Variants in PRR5L observed in about 807,000 individuals in gnomAD.
PRR5L encodes proline-rich protein 5-like.
A neutral mutation model predicts 36.4 loss-of-function variants in PRR5L; 21 were observed. The ratio of observed to expected loss-of-function variants is 0.58; its 90% CI spans 0.41 to 0.83. PRR5L has a LOEUF of 0.83. PRR5L is among the 40% of genes least tolerant of loss of function. The probability of loss-of-function intolerance (pLI) is 0.00; values close to 1 mark genes in which losing one functional copy is unlikely to be tolerated. For missense variants in PRR5L, 381 were observed against 473.3 expected (o/e 0.80, Z 1.81); for synonymous variants, 188 against 197.0 (o/e 0.95, Z 0.38).
chr11:36,368,363 A>G (rs1210563593), intron 1 of PRR5L, among the ~76,000 whole-genome samples: 1 of 152,176 alleles, frequency 6.6e-6, no homozygotes, highest in Non-Finnish European at 1.5e-5. Flanking sequence ...GGCACAAAAA[A>G]ACAAGGAAAA....
At chr11:36,394,849 T>A (rs1410301358) in intron 1 of PRR5L, among the ~76,000 whole-genome samples, 1 of 152,154 alleles carries the variant, frequency 6.6e-6, no homozygotes, top group African/African-American at 2.4e-5. Context: ...AGTGTATGCA[T>A]CTTTGTGGGG....
chr11:36,375,279 C>T (rs1486833000), intron 1 of PRR5L, among the ~76,000 whole-genome samples: 5 of 151,928 alleles, frequency 3.3e-5, no homozygotes, highest in African/African-American at 1.2e-4. Flanking sequence ...GTGTCCCATG[C>T]CCAGTCTCTT....
chr11:36,459,586 T>A (rs1859136327), intron 8 of PRR5L, among the ~76,000 whole-genome samples: 1 of 152,244 alleles, frequency 6.6e-6, no homozygotes, highest in African/African-American at 2.4e-5. Context: ...GTTGAACAAG[T>A]TATTTAACCT....
At chr11:36,361,166 TC>T (rs1394160182) in intron 1 of PRR5L, among the ~76,000 whole-genome samples, 2 of 152,224 alleles carry the variant, frequency 1.3e-5, no homozygotes, top group East Asian at 3.8e-4. Flanking sequence ...ATTTGCCTTT[TC>T]TACTCTGATT....
Position 36,463,592 on chromosome 11 carries a change from G to T in PRR5L, c.*856G>T, listed in dbSNP as rs1056075706. 2 of 152,438 alleles carry T rather than the reference G, an allele frequency of 1.3e-5. No homozygotes were observed. Among genetic ancestry groups the T allele is most frequent in the Non-Finnish European group, 2.9e-5 (2 of 68,022 alleles). 9.4% of individuals were successfully genotyped at this position (152,438 alleles called of 1,614,324 possible). ...GGGGCCAGCTGATACCAACCAACTG[G>T]CCTGTATCTATCTATCTGGATTTGA... is the stretch of plus-strand genomic sequence containing the variant. On this transcript the variant is annotated 3_prime_UTR_variant, in exon 9 of 9. Coordinates refer to ENST00000530639, the MANE Select transcript of PRR5L (RefSeq NM_001160167.2).
chr11:36,343,356 C>G (rs1055195415), intron 1 of PRR5L, among the ~76,000 whole-genome samples: 4 of 152,166 alleles, frequency 2.6e-5, no homozygotes, highest in African/African-American at 9.7e-5. Context: ...ATATAAGACG[C>G]CTTGACCTTT....
chr11:36,366,587 G>A (rs1327379659), intron 1 of PRR5L, among the ~76,000 whole-genome samples: 1 of 152,084 alleles, frequency 6.6e-6, no homozygotes, highest in African/African-American at 2.4e-5. Flanking sequence ...GTGATTTTAG[G>A]TAGAAAGTCC....
chr11:36,335,128 C>G (rs1050494351), intron 1 of PRR5L, among the ~76,000 whole-genome samples: 1 of 152,008 alleles, frequency 6.6e-6, no homozygotes, highest in African/African-American at 2.4e-5. Flanking sequence ...ACTCTGTGGC[C>G]CAGGCTGGAG....
At chr11:36,310,002 T>TCATCCCCAATACCACCAC (rs1447979251) in intron 1 of PRR5L, among the ~76,000 whole-genome samples, 3 of 39,446 alleles carry the variant, frequency 7.6e-5, no homozygotes, top group Admixed American at 6.0e-4. Context: ...ACCACCACCA[T>TCATCCCCAATACCACCAC]CACTATTAGA....
intron 1 of PRR5L, among the ~76,000 whole-genome samples, chr11:36,336,205 A>T (rs1374649075): frequency 6.6e-6 from 1 of 152,146 alleles, no homozygotes; most frequent in Non-Finnish European, 1.5e-5. Flanking sequence ...CTCTTTTTCA[A>T]ACTTAAATGT....
chr11:36,372,670 A>G (rs927779865), intron 1 of PRR5L, among the ~76,000 whole-genome samples: 42 of 152,182 alleles, frequency 2.8e-4, no homozygotes, highest in African/African-American at 9.6e-4. Context: ...GGCAAACTGG[A>G]AACTGCACGT....
At chr11:36,439,750 C>T (rs1858682805) in intron 6 of PRR5L, among the ~76,000 whole-genome samples, 1 of 152,146 alleles carries the variant, frequency 6.6e-6, no homozygotes, top group African/African-American at 2.4e-5. Context: ...CCTTTTTGTT[C>T]TCAGCTGATC....
chr11:36,395,203 A>G lies in PRR5L; in HGVS notation c.-125-5794A>G, dbSNP rs183562668. Among the ~76,000 whole-genome samples, 15 of 152,356 alleles carry G rather than the reference A, an allele frequency of 9.8e-5. No homozygotes were observed. The East Asian group carries it at 2.1e-3, about 22-fold the overall frequency. On this transcript the variant is annotated intron_variant, in intron 1 of 8. Coordinates refer to ENST00000530639, the MANE Select transcript of PRR5L (RefSeq NM_001160167.2). ...GGGGAAACTCCCTAAATATCTACCC[A>G]TAGGGGACTGGTTAAATAAAATGTA... is the stretch of plus-strand genomic sequence containing the variant.
intron 1 of PRR5L, among the ~76,000 whole-genome samples, chr11:36,337,497 C>A (rs1182380068): frequency 1.3e-5 from 2 of 152,198 alleles, no homozygotes; most frequent in Non-Finnish European, 2.9e-5. Context: ...TCTGTTACAG[C>A]ATTCCAAATG....
intron 8 of PRR5L, among the ~76,000 whole-genome samples, chr11:36,456,434 G>A (rs1859059928): frequency 6.6e-6 from 1 of 152,258 alleles, no homozygotes; most frequent in South Asian, 2.1e-4. Flanking sequence ...TGAGTGAGTG[G>A]TTCAGTCTGT....
chr11:36,336,058 GA>G (rs903593980), intron 1 of PRR5L, among the ~76,000 whole-genome samples: 1 of 152,094 alleles, frequency 6.6e-6, no homozygotes, highest in Non-Finnish European at 1.5e-5. Context: ...CACCAGCCTG[GA>G]CAACCCTTCT....
rs79671244 is a variant in PRR5L at position 36,443,555 on chromosome 11, G to A, written c.445-2745G>A. 5.1e-3 allele frequency among the ~76,000 whole-genome samples: 773 copies of A among 152,276 alleles called. 13 individuals carry two copies. The highest frequency in any genetic ancestry group is 0.05 in the East Asian group (259 of 5,176). On this transcript the variant is annotated intron_variant, in intron 6 of 8. Transcript: ENST00000530639. ...TTTCTTCTAGAAAATAATAAAACTT[G>A]CTTCACAGGAGTGTTAAGAAGAGTA...
At chr11:36,422,979 T>C (rs1318161080) in intron 4 of PRR5L, among the ~76,000 whole-genome samples, 3 of 152,140 alleles carry the variant, frequency 2.0e-5, no homozygotes, top group Non-Finnish European at 4.4e-5. Flanking sequence ...TTAGGTATCT[T>C]GGTGGTTCAG....
chr11:36,428,871 G>C (rs538772965), intron 4 of PRR5L, among the ~76,000 whole-genome samples: 164 of 152,254 alleles, frequency 1.1e-3, no homozygotes, highest in Non-Finnish European at 1.7e-3. Context: ...TGTAGGACTG[G>C]GGAGAGGAGA....
Sources: gnomAD v4.1 joint callset for allele counts (sites outside exome capture counted in the v4.1 genomes callset) on GRCh38, gnomAD v4.1.1 for gene constraint, MANE v1.5 for transcripts, NCBI Gene and HGNC (gene_info 2026-07-23, HGNC 2026-07-21) for gene names.